SLC4A7: variants seen among roughly 807,000 people sequenced by gnomAD.
SLC4A7 encodes the protein sodium bicarbonate cotransporter 3.
Under a neutral mutation model 137.6 loss-of-function variants are expected in SLC4A7, and 51 were observed. The observed-to-expected ratio is 0.37, with a 90% CI of 0.30 to 0.47. The LOEUF (loss-of-function observed/expected upper bound fraction) is 0.47. SLC4A7 is among the 20% of genes least tolerant of loss of function. The pLI, the probability that SLC4A7 is intolerant of heterozygous loss-of-function variation, is 1.00. For missense variants in SLC4A7, 1,247 were observed against 1,525.4 expected (o/e 0.82, Z 3.04); for synonymous variants, 542 against 518.6 (o/e 1.05, Z -0.61).
intron 13 of SLC4A7, among the ~76,000 whole-genome samples, chr3:27,405,705 CTAATA>C (rs1425994966): frequency 4.6e-5 from 7 of 151,992 alleles, no homozygotes; most frequent in African/African-American, 1.7e-4. Context: ...AGAAATTAAT[CTAATA>C]TGATAGGCTT....
intron 3 of SLC4A7, among the ~76,000 whole-genome samples, chr3:27,447,753 T>A (rs998025108): frequency 2.6e-5 from 4 of 151,852 alleles, no homozygotes; most frequent in African/African-American, 9.7e-5. Flanking sequence ...CTTTTCTTTC[T>A]GATTTCTATT....
chr3:27,396,539 T>G (rs2052189332), intron 18 of SLC4A7, among the ~76,000 whole-genome samples: 1 of 152,084 alleles, frequency 6.6e-6, no homozygotes, highest in Non-Finnish European at 1.5e-5. Context: ...AACATAAGAC[T>G]TTCTAAAAAT....
intron 1 of SLC4A7, among the ~76,000 whole-genome samples, chr3:27,457,562 T>C (rs533080511): frequency 3.3e-4 from 51 of 152,306 alleles, no homozygotes; most frequent in African/African-American, 1.2e-3. Flanking sequence ...TCAACAAGTA[T>C]ATTGTTTCTT....
intron 22 of SLC4A7, 22 bp from the exon 23 acceptor site, chr3:27,386,045 A>G: frequency 6.3e-7 from 1 of 1,574,860 alleles, no homozygotes; most frequent in Non-Finnish European, 8.6e-7. Flanking sequence ...GGGGAAGGAA[A>G]TATTAAGTAA....
intron 1 of SLC4A7, among the ~76,000 whole-genome samples, chr3:27,468,222 A>C (rs2059089395): frequency 6.6e-6 from 1 of 152,148 alleles, no homozygotes; most frequent in Non-Finnish European, 1.5e-5. Context: ...AGCCACCAAG[A>C]GCAGCCTTAT....
chr3:27,411,442 T>G (rs1429175298), intron 12 of SLC4A7, among the ~76,000 whole-genome samples, 200 bp downstream of exon 12: 2 of 151,656 alleles, frequency 1.3e-5, no homozygotes. Flanking sequence ...TTTTAAAGCT[T>G]GATACATACT....
intron 20 of SLC4A7, among the ~76,000 whole-genome samples, chr3:27,393,510 G>A (rs192420948): frequency 3.6e-4 from 55 of 152,212 alleles, no homozygotes; most frequent in African/African-American, 1.3e-3. Context: ...AGAAAAAGGG[G>A]AACCTGCATA....
intron 1 of SLC4A7, among the ~76,000 whole-genome samples, chr3:27,469,364 C>T (rs1261054690): frequency 1.3e-5 from 2 of 152,136 alleles, no homozygotes; most frequent in Non-Finnish European, 2.9e-5. Flanking sequence ...GGCTCAGTCA[C>T]CAAGACTCTT....
chr3:27,448,579 T>G (rs2057844214), intron 3 of SLC4A7, 72 bp downstream of exon 3: 2 of 1,318,396 alleles, frequency 1.5e-6, no homozygotes, highest in African/African-American at 3.0e-5. Flanking sequence ...AAAAGAAATA[T>G]TCAATTAAAA....
chr3:27,461,019 G>A (rs2058667623), intron 1 of SLC4A7, among the ~76,000 whole-genome samples: 1 of 152,038 alleles, frequency 6.6e-6, no homozygotes, highest in Admixed American at 6.6e-5. Context: ...GAAACCAAGA[G>A]CAAACATACT....
At chr3:27,398,479 A>G in intron 16 of SLC4A7, 126 bp from the exon 17 acceptor site, 1 of 738,116 alleles carries the variant, frequency 1.4e-6, no homozygotes, top group Non-Finnish European at 2.1e-6. Context: ...TATTCCTTAT[A>G]AAGAAAAAAC....
chr3:27,454,025 G>A (rs1340918042), intron 1 of SLC4A7, among the ~76,000 whole-genome samples: 1 of 152,134 alleles, frequency 6.6e-6, no homozygotes, highest in Non-Finnish European at 1.5e-5. Context: ...GGACTAAGAA[G>A]ATGGGCTAGG....
Position 27,431,351 on chromosome 3 carries a change from GCTTCTAAGT to G in SLC4A7, c.1088_1096del (p.Asp363_Glu365del). 1 of 1,612,372 alleles carries G rather than the reference GCTTCTAAGT, an allele frequency of 6.2e-7. No homozygotes were observed. Among genetic ancestry groups the G allele is most frequent in the Non-Finnish European group, 8.5e-7 (1 of 1,179,142 alleles). ...CTTCTGCTCCTCGCCTTTCAGCGCT[GCTTCTAAGT>G]CTTCCTCAGGCGGATGAATTACTAC... On this transcript the variant is annotated inframe_deletion, in exon 7 of 26. Transcript: ENST00000454389.
At chr3:27,430,462 A>G (rs1473295353) in intron 7 of SLC4A7, among the ~76,000 whole-genome samples, 1 of 151,858 alleles carries the variant, frequency 6.6e-6, no homozygotes, top group Non-Finnish European at 1.5e-5. Context: ...GTCTCTACAA[A>G]ACACGAAAAT....
chr3:27,459,125 C>G (rs1392977253), intron 1 of SLC4A7, among the ~76,000 whole-genome samples: 1 of 152,160 alleles, frequency 6.6e-6, no homozygotes, highest in African/African-American at 2.4e-5. Flanking sequence ...CCTTTCCTCC[C>G]CCACTGGATT....
Position 27,376,353 on chromosome 3 carries a change from A to C in SLC4A7, c.*411T>G. ...GTATAGACTCCCTATTCTTCCCATAAAGCACTAACAAAAGTGAAATAATAT... is the reference window on the plus strand; with the variant it reads ...GTATAGACTCCCTATTCTTCCCATACAGCACTAACAAAAGTGAAATAATAT... On this transcript the variant is annotated 3_prime_UTR_variant, in exon 26 of 26. Coordinates refer to ENST00000454389, the MANE Select transcript of SLC4A7 (RefSeq NM_001321103.2). 6.5e-6 allele frequency: 1 copy of C among 154,150 alleles called. No homozygotes were observed. The highest frequency in any genetic ancestry group is 1.4e-5 in the Non-Finnish European group (1 of 69,356). The allele number at this position is 154,150 out of a possible 1,614,324, so 9.5% of individuals were successfully genotyped here. A position where few individuals can be genotyped will look rare whatever the true frequency, so the allele number is the denominator to read the frequency against.
At position 27,409,367 on chromosome 3, in the gene SLC4A7, C is replaced by T. The variant is rs2053688296; in HGVS notation, c.1930G>A (p.Glu644Lys). The T allele has an allele frequency of 6.2e-7, 1 of 1,609,890 alleles. No homozygotes were observed. Among genetic ancestry groups the T allele is most frequent in the East Asian group, 2.2e-5 (1 of 44,834 alleles). ...TFGGLLGEAT[E>K]GRISAIESLF... ...ATCTTTGTACTCACTATTCTGCCTTCTGTAGCTTCTCCAAGCAGCCCTCCA... is the reference window on the plus strand; with the variant it reads ...ATCTTTGTACTCACTATTCTGCCTTTTGTAGCTTCTCCAAGCAGCCCTCCA... The change falls in exon 13 of 26, where the codon GAA becomes AAA. Residue 644 changes from glutamate (E) to lysine (K), a missense_variant. Glu to Lys is a moderately conservative substitution (Grantham distance 56). Coordinates refer to ENST00000454389, the MANE Select transcript of SLC4A7 (RefSeq NM_001321103.2).
In SLC4A7 at chr3:27,376,695, A is replaced by G; in HGVS notation, c.*69T>C. 4.3e-6 allele frequency: 4 copies of G among 936,828 alleles called. No individual in the cohort carries two copies. Among genetic ancestry groups the G allele is most frequent in the Non-Finnish European group, 6.8e-6 (4 of 589,536 alleles). 58.0% of individuals were successfully genotyped at this position (936,828 alleles called of 1,614,324 possible). A position where few individuals can be genotyped will look rare whatever the true frequency, so the allele number is the denominator to read the frequency against. Reference sequence around the variant, plus strand: ...ACAGCATGACATACAATATTCTTATATATAGTGACATGATACGCACACATT... The same window carrying G: ...ACAGCATGACATACAATATTCTTATGTATAGTGACATGATACGCACACATT... On this transcript the variant is annotated 3_prime_UTR_variant, in exon 26 of 26. Coordinates refer to ENST00000454389, the MANE Select transcript of SLC4A7 (RefSeq NM_001321103.2).
intron 1 of SLC4A7, chr3:27,456,520 A>T: frequency 1.5e-6 from 1 of 666,414 alleles, no homozygotes; most frequent in Non-Finnish European, 2.6e-6. Flanking sequence ...TGACTTCCAC[A>T]GCCAAGGACA....
Sources: gnomAD v4.1 joint callset for allele counts (sites outside exome capture counted in the v4.1 genomes callset) on GRCh38, gnomAD v4.1.1 for gene constraint, MANE v1.5 for transcripts, NCBI Gene and HGNC (gene_info 2026-07-23, HGNC 2026-07-21) for gene names.